PRR33: variants seen among roughly 807,000 people sequenced by gnomAD.
The protein encoded by PRR33 is proline rich 33.
In PRR33, 1 loss-of-function variant was observed where a neutral mutation model predicts 0.5. The ratio of observed to expected loss-of-function variants is 2.18; its 90% CI spans 0.77 to 10.34. The LOEUF is 10.34. Among genes scored for constraint, PRR33 ranks in the 30% most tolerant of loss-of-function variants. The probability of loss-of-function intolerance (pLI) is 0.13; values close to 1 mark genes in which losing one functional copy is unlikely to be tolerated. For missense variants in PRR33, 552 were observed against 251.8 expected (o/e 2.19, Z -8.07); for synonymous variants, 226 against 110.0 (o/e 2.06, Z -6.60).
chr11:1,901,264 T>A, the PRR33 span, among the ~76,000 whole-genome samples: 2 of 151,752 alleles, frequency 1.3e-5, no homozygotes, highest in Admixed American at 6.6e-5. Flanking sequence ...GTGAGCCAAG[T>A]TTACGCCATT....
chr11:1,889,598 G>T, exon 1 of PRR33: 1 of 613,636 alleles, frequency 1.6e-6, no homozygotes, highest in Non-Finnish European at 3.0e-6. Flanking sequence ...CAACTTTGGG[G>T]ACAGGGCATG....
At chr11:1,905,237 CCT>C in the PRR33 span, among the ~76,000 whole-genome samples, 2 of 148,242 alleles carry the variant, frequency 1.3e-5, no homozygotes, top group African/African-American at 2.5e-5. Context: ...AGTAATTCTC[CCT>C]GACTCAGCCT....
chr11:1,894,768 C>T (rs1849105406), upstream of PRR33, among the ~76,000 whole-genome samples: 1 of 151,952 alleles, frequency 6.6e-6, no homozygotes, highest in Non-Finnish European at 1.5e-5. Flanking sequence ...GTAATGTGGC[C>T]ATTTACATTC....
chr11:1,915,887 T>C, the PRR33 span, among the ~76,000 whole-genome samples: 1 of 148,914 alleles, frequency 6.7e-6, no homozygotes, highest in African/African-American at 2.5e-5. Context: ...GATGGGTAGA[T>C]AGATGGATAG....
chr11:1,890,458 T>C, exon 1 of PRR33: 1 of 717,290 alleles, frequency 1.4e-6, no homozygotes, highest in Non-Finnish European at 2.6e-6. Context: ...GCTGCCTTCC[T>C]CAGGAGCTTC....
chr11:1,900,781 A>T, the PRR33 span, among the ~76,000 whole-genome samples: 1 of 152,226 alleles, frequency 6.6e-6, no homozygotes, highest in South Asian at 2.1e-4. Flanking sequence ...ATTCACAAAC[A>T]ATATCTCAAA....
At chr11:1,905,002 T>C in the PRR33 span, among the ~76,000 whole-genome samples, 1 of 152,148 alleles carries the variant, frequency 6.6e-6, no homozygotes, top group Admixed American at 6.6e-5. Context: ...TTTATTGTTT[T>C]CTGTTTTATC....
chr11:1,892,291 G>C (rs1026903641), upstream of PRR33: 7 of 152,250 alleles, frequency 4.6e-5, no homozygotes, highest in African/African-American at 1.4e-4. Flanking sequence ...ACTCACTAAG[G>C]GGGCAGGGCT....
At chr11:1,916,776 C>T in the PRR33 span, among the ~76,000 whole-genome samples, 1 of 152,202 alleles carries the variant, frequency 6.6e-6, no homozygotes, top group Non-Finnish European at 1.5e-5. Context: ...CAGCCACAGC[C>T]CTGCTGTGTT....
the PRR33 span, among the ~76,000 whole-genome samples, chr11:1,901,227 G>A: frequency 1.3e-5 from 2 of 151,858 alleles, no homozygotes; most frequent in Middle Eastern, 3.4e-3. Flanking sequence ...CAGGAGAATC[G>A]CTTGAACCCA....
the PRR33 span, among the ~76,000 whole-genome samples, chr11:1,913,249 C>A: frequency 4.6e-5 from 7 of 152,186 alleles, no homozygotes; most frequent in African/African-American, 1.7e-4. Context: ...GCCTCAGCTT[C>A]CCGAGTAGCT....
At chr11:1,894,372 C>G (rs1027709324), upstream of PRR33, among the ~76,000 whole-genome samples, 1 of 152,038 alleles carries the variant, frequency 6.6e-6, no homozygotes, top group African/African-American at 2.4e-5. Flanking sequence ...TAGCTGGGAC[C>G]GCAGGTGCCC....
chr11:1,889,598 G>C lies in PRR33; in HGVS notation c.987C>G (p.Val329=). 3 of 613,636 alleles carry C rather than the reference G, an allele frequency of 4.9e-6. No individual in the cohort carries two copies. The East Asian group carries it at 8.5e-5, about 17-fold the overall frequency. 38.0% of individuals were successfully genotyped at this position (613,636 alleles called of 1,614,324 possible). A position where few individuals can be genotyped will look rare whatever the true frequency, so the allele number is the denominator to read the frequency against. ...GCCGGGGCTTGGGTGCAACTTTGGG[G>C]ACAGGGCATGGGTGAGGGCCTGATG... Residue 329 remains valine (V), a synonymous_variant, in exon 1 of 1, where the codon GTC becomes GTG. Coordinates refer to ENST00000640310, the Ensembl canonical transcript of PRR33.
chr11:1,911,584 A>G, the PRR33 span, among the ~76,000 whole-genome samples: 1 of 151,568 alleles, frequency 6.6e-6, no homozygotes, highest in Admixed American at 6.6e-5. Context: ...CGCCTGGCTA[A>G]TTTTTTTTGT....
chr11:1,891,427 GCT>G (rs1318448858), exon 1 of PRR33: 1 of 152,232 alleles, frequency 6.6e-6, no homozygotes, highest in Non-Finnish European at 1.5e-5. Context: ...GCTTAGGACT[GCT>G]CTCAGCTACC....
At chr11:1,889,365 C>T (rs746557137) in exon 1 of PRR33, 24 of 708,750 alleles carry the variant, frequency 3.4e-5, no homozygotes, top group Admixed American at 1.4e-4. Flanking sequence ...CACTGACATG[C>T]GGTACAGCAC....
chr11:1,910,906 A>G, the PRR33 span, among the ~76,000 whole-genome samples: 275 of 151,902 alleles, frequency 1.8e-3, no homozygotes, highest in Middle Eastern at 6.8e-3. Context: ...CCATTTTTCT[A>G]TTCAGTTGCT....
At chr11:1,890,732 G>T (rs556960271) in exon 1 of PRR33, 13 of 604,330 alleles carry the variant, frequency 2.2e-5, no homozygotes, top group South Asian at 1.2e-4. Flanking sequence ...CCCAGAACCT[G>T]CCAGGGACAT....
At chr11:1,889,387 T>G in exon 1 of PRR33, 1 of 700,172 alleles carries the variant, frequency 1.4e-6, no homozygotes, top group East Asian at 2.7e-5. Flanking sequence ...GCATCCCACA[T>G]CCTGGAGGTC....
Sources: allele counts gnomAD v4.1 joint callset (sites outside exome capture counted in the v4.1 genomes callset), GRCh38; gene constraint gnomAD v4.1.1; transcripts MANE v1.5; gene names NCBI Gene and HGNC (gene_info 2026-07-23, HGNC 2026-07-21).